PRKCA: variants seen among roughly 807,000 people sequenced by gnomAD.
PRKCA encodes protein kinase C alpha.
PRKCA carries 27 observed loss-of-function variants against 87.0 expected under a neutral mutation model. The ratio of observed to expected loss-of-function variants is 0.31; its 90% CI spans 0.23 to 0.43. The LOEUF is 0.43. Among genes scored for constraint, PRKCA ranks in the 20% least tolerant of loss-of-function variants. The probability of loss-of-function intolerance (pLI) is 1.00; values close to 1 mark genes in which losing one functional copy is unlikely to be tolerated. For missense variants in PRKCA, 518 were observed against 852.3 expected (o/e 0.61, Z 4.88); for synonymous variants, 329 against 311.1 (o/e 1.06, Z -0.61).
chr17:66,338,145 A>G (rs564550845), intron 2 of PRKCA, among the ~76,000 whole-genome samples: 1 of 150,896 alleles, frequency 6.6e-6, no homozygotes, highest in Non-Finnish European at 1.5e-5. Context: ...AGTGCTTTTA[A>G]CCTGGCTTCA....
At chr17:66,481,656 C>T (rs955821192) in intron 2 of PRKCA, among the ~76,000 whole-genome samples, 5 of 152,246 alleles carry the variant, frequency 3.3e-5, no homozygotes, top group East Asian at 3.9e-4. Flanking sequence ...AAATTGCATT[C>T]GAGGTCTCCA....
chr17:66,312,805 C>T (rs551684869), intron 2 of PRKCA, among the ~76,000 whole-genome samples: 8 of 140,284 alleles, frequency 5.7e-5, no homozygotes, highest in African/African-American at 2.2e-4. Flanking sequence ...GTGGCACAGT[C>T]TCACTTCACT....
chr17:66,458,640 C>T (rs961780149), intron 2 of PRKCA, among the ~76,000 whole-genome samples: 9 of 152,022 alleles, frequency 5.9e-5, no homozygotes, highest in Non-Finnish European at 1.0e-4. Flanking sequence ...ACCACCACGC[C>T]CAGCTAATTT....
chr17:66,514,311 A>G (rs1966891457), intron 3 of PRKCA, among the ~76,000 whole-genome samples: 1 of 152,168 alleles, frequency 6.6e-6, no homozygotes, highest in Non-Finnish European at 1.5e-5. Flanking sequence ...ATTCTCTTGA[A>G]ATATGACAGA....
At chr17:66,343,183 A>G (rs781600726) in intron 2 of PRKCA, among the ~76,000 whole-genome samples, 25 of 151,016 alleles carry the variant, frequency 1.7e-4, no homozygotes, top group Non-Finnish European at 2.7e-4. Context: ...CATAGGTTAT[A>G]TGTCATTTTA....
Position 66,803,789 on chromosome 17 carries a change from C to T in PRKCA, c.1855-84C>T. ...AGCCCGGAGTTCCCCAGGGCCGTGC[C>T]CCTCCCCAGAGAGGGCCCTCGGAGA... On this transcript the variant is annotated intron_variant, in intron 16 of 16. Coordinates refer to ENST00000413366, the MANE Select transcript of PRKCA (RefSeq NM_002737.3). The surrounding 1 kb of genome is among the most constrained non-coding windows in gnomAD (Gnocchi z 4.4). The T allele has an allele frequency of 6.4e-7, 1 of 1,555,956 alleles. No individual in the cohort carries two copies. The highest frequency in any genetic ancestry group is 8.7e-7 in the Non-Finnish European group (1 of 1,147,752).
At chr17:66,581,479 T>C (rs1242393158) in intron 3 of PRKCA, among the ~76,000 whole-genome samples, 2 of 152,156 alleles carry the variant, frequency 1.3e-5, no homozygotes, top group East Asian at 1.9e-4. Flanking sequence ...TTTTTCTTTT[T>C]TGTTTTTTGT....
At chr17:66,621,585 G>T (rs1049919405) in intron 3 of PRKCA, among the ~76,000 whole-genome samples, 14 of 152,136 alleles carry the variant, frequency 9.2e-5, no homozygotes, top group Admixed American at 2.0e-4. Flanking sequence ...GAAGTCTGTG[G>T]TTCTTGTAGT....
intron 2 of PRKCA, among the ~76,000 whole-genome samples, chr17:66,381,020 G>T (rs536240195): frequency 3.3e-5 from 5 of 150,862 alleles, no homozygotes; most frequent in Non-Finnish European, 5.9e-5. Context: ...GCTCACTGTA[G>T]CCTTGAACTC....
intron 5 of PRKCA, among the ~76,000 whole-genome samples, chr17:66,653,910 G>A (rs1971660456): frequency 6.6e-6 from 1 of 151,992 alleles, no homozygotes; most frequent in Admixed American, 6.6e-5. Context: ...AGGGGTAACT[G>A]CTCTTCATGA....
chr17:66,613,992 A>G (rs147782329), intron 3 of PRKCA, among the ~76,000 whole-genome samples: 1 of 151,928 alleles, frequency 6.6e-6, no homozygotes, highest in Non-Finnish European at 1.5e-5. Context: ...GGTTTCACCA[A>G]GATGGCCAGG....
rs7342847 is a variant in PRKCA at position 66,806,426 on chromosome 17, C to T, written c.*2389C>T. The T allele has an allele frequency of 0.39, 59,933 of 152,022 alleles. 12,157 individuals carry two copies. The highest frequency in any genetic ancestry group is 0.61 in the East Asian group (3,131 of 5,126). 9.4% of individuals were successfully genotyped at this position (152,022 alleles called of 1,614,324 possible). A position where few individuals can be genotyped will look rare whatever the true frequency, so the allele number is the denominator to read the frequency against. ...CCAGGGGGTCCTGGCTCCCCTGTCC[C>T]TGCAGCCCTGCAGGTCAGTGCATGA... On this transcript the variant is annotated 3_prime_UTR_variant, in exon 17 of 17. Transcript: ENST00000413366.
intron 2 of PRKCA, among the ~76,000 whole-genome samples, chr17:66,369,860 A>G (rs1055403753): frequency 3.3e-5 from 5 of 152,194 alleles, no homozygotes; most frequent in South Asian, 2.1e-4. Flanking sequence ...CACATGCAGA[A>G]TGGAGCTTTC....
In PRKCA at chr17:66,302,768, G is replaced by A. The variant is rs1346787545; in HGVS notation, c.-84G>A. On this transcript the variant is annotated 5_prime_UTR_variant, in exon 1 of 17. Coordinates refer to ENST00000413366, the MANE Select transcript of PRKCA (RefSeq NM_002737.3). ...CCGCGCCCGGGGTCGCCCCGAGCCC[G>A]CACCTCTCCCCCGCCGCCCCCGCCC... is the stretch of plus-strand genomic sequence containing the variant. 3.2e-6 allele frequency: 4 copies of A among 1,264,874 alleles called. No individual in the cohort carries two copies. The highest frequency in any genetic ancestry group is 3.1e-6 in the Non-Finnish European group (3 of 978,744). The allele number at this position is 1,264,874 out of a possible 1,614,324, so 78.4% of individuals were successfully genotyped here. A position where few individuals can be genotyped will look rare whatever the true frequency, so the allele number is the denominator to read the frequency against.
intron 2 of PRKCA, among the ~76,000 whole-genome samples, chr17:66,472,048 A>G (rs62070451): frequency 0.13 from 20,107 of 152,224 alleles, 1,445 homozygotes; most frequent in Middle Eastern, 0.2. Context: ...TGCAGCCTGG[A>G]ACTCCTGGGC....
chr17:66,535,521 G>T (rs910206632), intron 3 of PRKCA, among the ~76,000 whole-genome samples: 1 of 152,146 alleles, frequency 6.6e-6, no homozygotes, highest in Admixed American at 6.5e-5. Context: ...AACTGATGGG[G>T]TGGGTGTCCC....
chr17:66,485,010 G>T (rs1046117726), intron 2 of PRKCA, among the ~76,000 whole-genome samples: 1 of 151,974 alleles, frequency 6.6e-6, no homozygotes, highest in African/African-American at 2.4e-5. Flanking sequence ...GGGAGGGTGG[G>T]GTTGGGAAGA....
At chr17:66,630,364 C>T (rs1970977806) in intron 3 of PRKCA, among the ~76,000 whole-genome samples, 1 of 152,202 alleles carries the variant, frequency 6.6e-6, no homozygotes, top group Non-Finnish European at 1.5e-5. Flanking sequence ...TATTGCCCCC[C>T]ACTAATTGTT....
At position 66,801,751 on chromosome 17, in the gene PRKCA, C is replaced by T. The variant is rs144727138; in HGVS notation, c.1855-2122C>T. Among the ~76,000 whole-genome samples, 224 of 152,228 alleles carry T rather than the reference C, an allele frequency of 1.5e-3. 1 individual carries two copies. Among genetic ancestry groups the T allele is most frequent in the African/African-American group, 5.1e-3 (211 of 41,540 alleles). On this transcript the variant is annotated intron_variant, in intron 16 of 16. Transcript: ENST00000413366. The stretch of plus-strand genomic sequence containing the variant: ...GCCAGCCCACATGTGGGAGGCAGGA[C>T]GGATGTGACAGTAAGCCTCATGTCT...
Sources: allele counts gnomAD v4.1 joint callset (sites outside exome capture counted in the v4.1 genomes callset), GRCh38; gene constraint gnomAD v4.1.1; non-coding constraint Gnocchi (gnomAD v3.1); transcripts MANE v1.5; gene names NCBI Gene and HGNC (gene_info 2026-07-23, HGNC 2026-07-21).